Variants in C1RL observed in about 807,000 individuals in gnomAD.
C1RL encodes complement C1r subcomponent like, also known as complement C1r subcomponent-like protein.
In C1RL, 27 loss-of-function variants were observed where a neutral mutation model predicts 27.9. The ratio of observed to expected loss-of-function variants is 0.97; its 90% CI spans 0.71 to 1.33. The LOEUF is 1.33. Ranked by LOEUF, C1RL falls within the 40% of genes most tolerant of loss-of-function variation. The probability of loss-of-function intolerance (pLI) is 0.00; values close to 1 mark genes in which losing one functional copy is unlikely to be tolerated. For missense variants in C1RL, 563 were observed against 623.9 expected, an observed-to-expected ratio of 0.90 and a Z score of 1.04; for synonymous variants, 248 against 252.1, an observed-to-expected ratio of 0.98 and a Z score of 0.15.
chr12:7,108,976 TGTGTGTGTGTGTG>T (rs1328041020), intron 1 of C1RL, 121 bp downstream of exon 1: 28 of 215,656 alleles, frequency 1.3e-4, no homozygotes, highest in South Asian at 3.3e-4. Context: ...GGTGTGTGTG[TGTGTGTGTGTGTG>T]GGGGGGGGGG....
At chr12:7,109,019 G>GGGGGGGGGTGT (rs1938871847) in intron 1 of C1RL, 91 bp downstream of exon 1, 1 of 453,948 alleles carries the variant, frequency 2.2e-6, no homozygotes, top group Non-Finnish European at 3.9e-6. Context: ...TGTGGGGGGG[G>GGGGGGGGGTGT]TAGGGTGGGG....
At position 7,104,218 on chromosome 12, in the gene C1RL, C is replaced by T. The variant is rs184968552; in HGVS notation, c.301-2131G>A. On this transcript the variant is annotated intron_variant, in intron 2 of 5. Transcript: ENST00000266542. This position sits in a 1 kb window ranked among gnomAD's most constrained non-coding sequence, Gnocchi z 5.4. ...GATAGGGATGAGGGAAGGGCTGGCACGGGGATGGCAGACCAGAAGCCTGTG... is the reference window on the plus strand; with the variant it reads ...GATAGGGATGAGGGAAGGGCTGGCATGGGGATGGCAGACCAGAAGCCTGTG... 9.2e-5 allele frequency among the ~76,000 whole-genome samples: 14 copies of T among 152,200 alleles called. No individual in the cohort carries two copies. The highest frequency in any genetic ancestry group is 1.9e-4 in the African/African-American group (8 of 41,514).
chr12:7,097,275 A>G, intron 5 of C1RL, 112 bp from the exon 6 acceptor site: 1 of 847,312 alleles, frequency 1.2e-6, no homozygotes, highest in Non-Finnish European at 1.7e-6. Flanking sequence ...AGACTCTGGG[A>G]TCAGGACGTT....
At chr12:7,107,158 A>T (rs2135764280) in intron 2 of C1RL, among the ~76,000 whole-genome samples, 1 of 151,568 alleles carries the variant, frequency 6.6e-6, no homozygotes. Flanking sequence ...TTATTCATAA[A>T]CCTTTTTAAA....
chr12:7,109,000 GGA>G (rs1276668018), intron 1 of C1RL, 108 bp downstream of exon 1: 1,055 of 364,984 alleles, frequency 2.9e-3, no homozygotes, highest in African/African-American at 3.5e-3. Flanking sequence ...GGGGGGGGGG[GGA>G]TGTGTGTGTG....
chr12:7,107,270 G>A (rs1938793946), intron 2 of C1RL, among the ~76,000 whole-genome samples: 1 of 151,844 alleles, frequency 6.6e-6, no homozygotes, highest in Admixed American at 6.6e-5. Context: ...CCAGGCTCAA[G>A]TGATCCTCTC....
chr12:7,109,025 TG>T, intron 1 of C1RL, 84 bp downstream of exon 1: 4 of 301,934 alleles, frequency 1.3e-5, no homozygotes, highest in Admixed American at 6.0e-5. Flanking sequence ...GGGGGTAGGG[TG>T]GGGGGAGGGA....
chr12:7,097,057 G>A lies in C1RL; in HGVS notation c.798C>T (p.Gly266=), dbSNP rs2135752806. 1 of 1,614,164 alleles carries A rather than the reference G, an allele frequency of 6.2e-7. No homozygotes were observed. Among genetic ancestry groups the A allele is most frequent in the East Asian group, 2.2e-5 (1 of 44,866 alleles). The change falls in exon 6 of 6, where the codon GGC becomes GGT. Residue 266 remains glycine, a synonymous_variant. Transcript: ENST00000266542. The part of the protein sequence containing the change: ...FPWQAFTSIH[G]RGGGALLGDR... ...CCCCCAGCAGGGCCCCGCCCCCACGGCCGTGGATACTGGTGAAGGCTTGCC... is the reference window on the plus strand; with the variant it reads ...CCCCCAGCAGGGCCCCGCCCCCACGACCGTGGATACTGGTGAAGGCTTGCC...
In C1RL at chr12:7,099,621, G is replaced by T. The variant is rs1318547942; in HGVS notation, c.691+65C>A. ...TCTAAGGCTTTCCTTTAACCCCTGTGTCCTGTAGGTCCCAGTTGCAGCTGA... is the reference window on the plus strand; with the variant it reads ...TCTAAGGCTTTCCTTTAACCCCTGTTTCCTGTAGGTCCCAGTTGCAGCTGA... On this transcript the variant is annotated intron_variant, in intron 5 of 5. Coordinates refer to ENST00000266542, the MANE Select transcript of C1RL (RefSeq NM_016546.4). 1.9e-6 allele frequency: 3 copies of T among 1,542,256 alleles called. No homozygotes were observed. The African/African-American group carries it at 4.1e-5, about 21-fold the overall frequency.
chr12:7,097,206 C>G (rs777103435), intron 5 of C1RL, 43 bp from the exon 6 acceptor site: 1 of 1,525,586 alleles, frequency 6.6e-7, no homozygotes, highest in South Asian at 1.3e-5. Context: ...GCAGCTGCAT[C>G]TAGACACACT....
chr12:7,103,140 A>G (rs1938671522), intron 2 of C1RL, among the ~76,000 whole-genome samples: 1 of 152,252 alleles, frequency 6.6e-6, no homozygotes, highest in Non-Finnish European at 1.5e-5. Flanking sequence ...TGCTTAGAAT[A>G]TCAGCAAATG....
Position 7,095,698 on chromosome 12 carries a change from C to T in C1RL, c.*693G>A. 1.5e-5 allele frequency: 14 copies of T among 952,638 alleles called. No individual in the cohort carries two copies. The highest frequency in any genetic ancestry group is 1.7e-5 in the Non-Finnish European group (14 of 800,076). 59.0% of individuals were successfully genotyped at this position (952,638 alleles called of 1,614,324 possible). ...GAGGGTTGAGAAGTATTGCAGCACA[C>T]TGGGAAGAGCACAGTCTCTGCAGTC... On this transcript the variant is annotated 3_prime_UTR_variant, in exon 6 of 6. Coordinates refer to ENST00000266542, the MANE Select transcript of C1RL (RefSeq NM_016546.4).
rs954036945 is a variant in C1RL, at chr12:7,099,724, T to C, written c.653A>G (p.Asp218Gly). 3.8e-6 allele frequency: 6 copies of C among 1,564,758 alleles called. No individual in the cohort carries two copies. Among genetic ancestry groups the C allele is most frequent in the African/African-American group, 1.3e-5 (1 of 74,170 alleles). Reference sequence around the variant, plus strand: ...AAGAACCTCCTCCCCATCCTGTCTGTCTTTCCAGGTCCCTGGGGTTGCACA... The same window carrying C: ...AAGAACCTCCTCCCCATCCTGTCTGCCTTTCCAGGTCCCTGGGGTTGCACA... ...LTCATPGTWK[D>G]RQDGEEVLQC... is the part of the protein sequence containing the mutation. The change falls in exon 5 of 6, where the codon GAC becomes GGC. Residue 218 changes from aspartate to glycine, a missense_variant. Coordinates refer to ENST00000266542, the MANE Select transcript of C1RL (RefSeq NM_016546.4).
Position 7,099,892 on chromosome 12 carries a change from G to A in C1RL, c.616+9C>T. Reference sequence around the variant, plus strand: ...GATGGAAGCCACCCCTCGGCAGGTGGGGACTCACCTGCTGCCGCGGCCTGA... The same window carrying A: ...GATGGAAGCCACCCCTCGGCAGGTGAGGACTCACCTGCTGCCGCGGCCTGA... On this transcript the variant is annotated intron_variant, in intron 4 of 5. Coordinates refer to ENST00000266542, the MANE Select transcript of C1RL (RefSeq NM_016546.4). 2 of 1,613,994 alleles carry A rather than the reference G, an allele frequency of 1.2e-6. No individual in the cohort carries two copies. Among genetic ancestry groups the A allele is most frequent in the Non-Finnish European group, 8.5e-7 (1 of 1,179,978 alleles).
In C1RL at chr12:7,104,030, A is replaced by G. The variant is rs1591599726; in HGVS notation, c.301-1943T>C. On this transcript the variant is annotated intron_variant, in intron 2 of 5. Coordinates refer to ENST00000266542, the MANE Select transcript of C1RL (RefSeq NM_016546.4). This position sits in a 1 kb window ranked among gnomAD's most constrained non-coding sequence, Gnocchi z 5.4. The stretch of plus-strand genomic sequence containing the variant: ...AAAATGGTACACATAACCAAGGACA[A>G]AAAAGGGAGAGAAGATGACAGCAGA... Among the ~76,000 whole-genome samples the G allele has an allele frequency of 6.6e-6, 1 of 152,216 alleles. No individual in the cohort carries two copies. The highest frequency in any genetic ancestry group is 2.4e-5 in the African/African-American group (1 of 41,438).
Position 7,094,986 on chromosome 12 carries a change from A to G in C1RL, c.*1405T>C. The G allele has an allele frequency of 9.0e-7, 1 of 1,106,494 alleles. No individual in the cohort carries two copies. The highest frequency in any genetic ancestry group is 1.1e-6 in the Non-Finnish European group (1 of 899,690). 68.5% of individuals were successfully genotyped at this position (1,106,494 alleles called of 1,614,324 possible). A position where few individuals can be genotyped will look rare whatever the true frequency, so the allele number is the denominator to read the frequency against. ...CCTGCCATTTTTTAGAGATAAATTT[A>G]ACCTTTGACCATATAGCAACTTGAC... On this transcript the variant is annotated 3_prime_UTR_variant, in exon 6 of 6. Transcript: ENST00000266542.
At chr12:7,098,197 G>T (rs1320205790) in intron 5 of C1RL, 1 of 152,230 alleles carries the variant, frequency 6.6e-6, no homozygotes, top group East Asian at 1.9e-4. Flanking sequence ...CTTGAACCCG[G>T]GAGGCGGAGC....
rs371247527 is a variant in C1RL, at chr12:7,100,019, G to A, written c.498C>T (p.Asn166=). 5 of 1,611,996 alleles carry A rather than the reference G, an allele frequency of 3.1e-6. No homozygotes were observed. Among genetic ancestry groups the A allele is most frequent in the Admixed American group, 1.7e-5 (1 of 59,794 alleles). The change falls in exon 4 of 6, where the codon AAC becomes AAT. Residue 166 remains asparagine (N), a synonymous_variant. Transcript: ENST00000266542. The stretch of plus-strand genomic sequence containing the variant: ...TGGCCTCGCTGATGGGCTGACTATA[G>A]TTCACAGCTATAGGAAAACAGCACC... ...FLALYQTVAV[N]YSQPISEASR...
intron 2 of C1RL, among the ~76,000 whole-genome samples, chr12:7,105,895 A>G (rs1455754083): frequency 6.6e-6 from 1 of 152,210 alleles, no homozygotes; most frequent in Non-Finnish European, 1.5e-5. Context: ...AGGCAGAACA[A>G]AAGAGATGGT....
Sources: gnomAD v4.1 joint callset for allele counts (sites outside exome capture counted in the v4.1 genomes callset) on GRCh38, gnomAD v4.1.1 for gene constraint, Gnocchi (gnomAD v3.1) non-coding constraint, MANE v1.5 for transcripts, NCBI Gene and HGNC (gene_info 2026-07-23, HGNC 2026-07-21) for gene names.